Variants in CATSPER1 observed in about 807,000 individuals in gnomAD.
CATSPER1 encodes the protein cation channel sperm associated 1.
CATSPER1 carries 57 observed loss-of-function variants against 72.7 expected under a neutral mutation model. The ratio of observed to expected loss-of-function variants is 0.78; its 90% CI spans 0.63 to 0.98. CATSPER1 has a LOEUF of 0.98. Ranked by LOEUF, CATSPER1 falls within the 50% of genes least tolerant of loss-of-function variation. CATSPER1 has a pLI of 0.00. For synonymous variants in CATSPER1, 363 were observed against 403.0 expected, an observed-to-expected ratio of 0.90 and a Z score of 1.19; for missense variants, 910 against 1,033.9, an observed-to-expected ratio of 0.88 and a Z score of 1.64.
At position 66,017,048 on chromosome 11, in the gene CATSPER1, T is replaced by C; in HGVS notation, c.2316+12A>G. On this transcript the variant is annotated intron_variant, in intron 11 of 11. Transcript: ENST00000312106. Reference sequence around the variant, plus strand: ...CCCCTCGCCGGCCCCTTCCCGCTCCTGCCTGGTTCACCTCAAATGTGGTGT... The same window carrying C: ...CCCCTCGCCGGCCCCTTCCCGCTCCCGCCTGGTTCACCTCAAATGTGGTGT... 1 of 1,613,856 alleles carries C rather than the reference T, an allele frequency of 6.2e-7. No individual in the cohort carries two copies.
At chr11:66,017,796 A>G (rs1856269601) in intron 10 of CATSPER1, among the ~76,000 whole-genome samples, 1 of 152,226 alleles carries the variant, frequency 6.6e-6, no homozygotes. Flanking sequence ...AGCTGCTGAC[A>G]CTTTGAGGCA....
Position 66,020,205 on chromosome 11 carries a change from G to A in CATSPER1, c.2065-5C>T. ...CTCTTGGATCCGGGCGGCCCTCTGGGAAGAAGAGGCCTCAGATCTGCCAGA... is the reference window on the plus strand; with the variant it reads ...CTCTTGGATCCGGGCGGCCCTCTGGAAAGAAGAGGCCTCAGATCTGCCAGA... On this transcript the variant is annotated splice_polypyrimidine_tract_variant and splice_region_variant and intron_variant, in intron 8 of 11. Transcript: ENST00000312106. This position sits in a 1 kb window ranked among gnomAD's most constrained non-coding sequence, Gnocchi z 4.5. 6.2e-7 allele frequency: 1 copy of A among 1,613,978 alleles called. No individual in the cohort carries two copies.
Position 66,020,326 on chromosome 11 carries a change from C to T in CATSPER1, c.2055G>A (p.Ala685=), listed in dbSNP as rs1020552356. Residue 685 remains alanine (A), a synonymous_variant, in exon 8 of 12, where the codon GCG becomes GCA. Coordinates refer to ENST00000312106, the MANE Select transcript of CATSPER1 (RefSeq NM_053054.4). The surrounding 1 kb of genome is among the most constrained non-coding windows in gnomAD (Gnocchi z 4.5). ...CCACCCCACTCGGTACCTCCTGCTTCGCTTTCTCAAGGCCTTTGAACAGCG... is the reference window on the plus strand; with the variant it reads ...CCACCCCACTCGGTACCTCCTGCTTTGCTTTCTCAAGGCCTTTGAACAGCG... ...QTALFKGLEK[A]KQERAARIQE... 1.3e-5 allele frequency: 21 copies of T among 1,614,182 alleles called. No individual in the cohort carries two copies. The highest frequency in any genetic ancestry group is 2.7e-5 in the African/African-American group (2 of 75,054).
chr11:66,017,596 T>G (rs1856264644), intron 10 of CATSPER1, among the ~76,000 whole-genome samples: 1 of 137,858 alleles, frequency 7.3e-6, no homozygotes, highest in African/African-American at 2.7e-5. Context: ...ACCTTCATCA[T>G]GCTGTGTAGT....
chr11:66,016,940 GT>G, intron 11 of CATSPER1, 24 bp from the exon 12 acceptor site: 2 of 1,614,070 alleles, frequency 1.2e-6, no homozygotes, highest in South Asian at 2.2e-5. Context: ...TGGGGCACTG[GT>G]GGGTGAATGA....
rs761420266 is a variant in CATSPER1, at chr11:66,022,984, G to A, written c.1294C>T (p.Leu432Phe). Residue 432 changes from leucine to phenylalanine, a missense_variant, in exon 2 of 12, where the codon CTC becomes TTC. Transcript: ENST00000312106. ...ATCATTTCCCGGAAGCCCTGAATGA[G>A]GAAGGTTAGCTTTTCCCACAGCCAC... The part of the protein sequence containing the change: ...FQWLWEKLTF[L>F]IQGFREMIRN... 6.2e-7 allele frequency: 1 copy of A among 1,614,242 alleles called. No homozygotes were observed. The highest frequency in any genetic ancestry group is 1.7e-5 in the Admixed American group (1 of 60,032).
intron 9 of CATSPER1, 127 bp from the exon 10 acceptor site, chr11:66,019,029 C>T (rs1856298743): frequency 5.2e-6 from 4 of 768,228 alleles, no homozygotes; most frequent in Non-Finnish European, 9.2e-6. Context: ...GTTGCTTCTC[C>T]GGGCATGCAG....
chr11:66,017,214 C>G, intron 10 of CATSPER1, 40 bp from the exon 11 acceptor site: 1 of 1,480,032 alleles, frequency 6.8e-7, no homozygotes, highest in Non-Finnish European at 9.2e-7. Flanking sequence ...AGGGGCTGGG[C>G]TGACCTGCTG....
At chr11:66,023,121 A>C (rs1590685182) in intron 1 of CATSPER1, 60 bp from the exon 2 acceptor site, 1 of 1,484,310 alleles carries the variant, frequency 6.7e-7, no homozygotes. Context: ...GGTCCCAGGC[A>C]CCCCCCAGCC....
In CATSPER1 at chr11:66,022,865, T is replaced by G. The variant is rs759341698; in HGVS notation, c.1413A>C (p.Glu471Asp). 6.2e-7 allele frequency: 1 copy of G among 1,614,190 alleles called. No homozygotes were observed. The highest frequency in any genetic ancestry group is 8.5e-7 in the Non-Finnish European group (1 of 1,180,038). Residue 471 changes from glutamate (E) to aspartate (D), a missense_variant, in exon 2 of 12, where the codon GAA becomes GAC. Glu to Asp is a conservative substitution (Grantham distance 45, BLOSUM62 2). Coordinates refer to ENST00000312106, the MANE Select transcript of CATSPER1 (RefSeq NM_053054.4). ...GGCTCTTACCGCCCCGGATCTCGACTTCAGCGAAGGTCTGGGCCACCAGCA... is the reference window on the plus strand; with the variant it reads ...GGCTCTTACCGCCCCGGATCTCGACGTCAGCGAAGGTCTGGGCCACCAGCA... ...TVMLVAQTFA[E>D]VEIRGEWYFM...
Position 66,020,052 on chromosome 11 carries a change from C to T in CATSPER1, c.2125+88G>A. The T allele has an allele frequency of 7.2e-7, 1 of 1,379,824 alleles. No homozygotes were observed. 85.5% of individuals were successfully genotyped at this position (1,379,824 alleles called of 1,614,324 possible). On this transcript the variant is annotated intron_variant, in intron 9 of 11. Coordinates refer to ENST00000312106, the MANE Select transcript of CATSPER1 (RefSeq NM_053054.4). The surrounding 1 kb of genome is among the most constrained non-coding windows in gnomAD (Gnocchi z 4.5). Reference sequence around the variant, plus strand: ...AAACTCTAAAACTGAGTCTGGAATTCTGTGACTGTGGAAGGAGGTTAGGGG... The same window carrying T: ...AAACTCTAAAACTGAGTCTGGAATTTTGTGACTGTGGAAGGAGGTTAGGGG...
chr11:66,018,450 G>A (rs1565069444), intron 10 of CATSPER1, among the ~76,000 whole-genome samples: 1 of 152,082 alleles, frequency 6.6e-6, no homozygotes, highest in Non-Finnish European at 1.5e-5. Context: ...CCCTCCACTT[G>A]GCTGAAGTCT....
intron 10 of CATSPER1, among the ~76,000 whole-genome samples, chr11:66,018,420 T>C (rs1358635188): frequency 1.3e-5 from 2 of 151,952 alleles, no homozygotes; most frequent in African/African-American, 4.8e-5. Context: ...TCTAAGCTGT[T>C]CCTCCAACCG....
chr11:66,018,130 C>T (rs547607213), intron 10 of CATSPER1, among the ~76,000 whole-genome samples: 1 of 151,858 alleles, frequency 6.6e-6, no homozygotes, highest in African/African-American at 2.4e-5. Flanking sequence ...ATCGCTTGAA[C>T]CCAGGAGGCG....
chr11:66,017,193 G>GTGGGGGGGGGGC lies in CATSPER1; in HGVS notation c.2202-20_2202-19insGCCCCCCCCCCA. The GTGGGGGGGGGGC allele has an allele frequency of 4.1e-6, 2 of 493,800 alleles. No individual in the cohort carries two copies. Among genetic ancestry groups the GTGGGGGGGGGGC allele is most frequent in the East Asian group, 5.5e-5 (1 of 18,090 alleles). The allele number at this position is 493,800 out of a possible 1,614,324, so 30.6% of individuals were successfully genotyped here. On this transcript the variant is annotated intron_variant, in intron 10 of 11. Coordinates refer to ENST00000312106, the MANE Select transcript of CATSPER1 (RefSeq NM_053054.4). The stretch of plus-strand genomic sequence containing the variant: ...CTGCTGCCTGCGGGTGGGCGGGGGG[G>GTGGGGGGGGGGC]TCGCAGAGACAGGGGCTGGGCTGAC...
rs778101113 is a variant in CATSPER1, at chr11:66,020,570, A to C, written c.1985T>G (p.Phe662Cys). 6.2e-7 allele frequency: 1 copy of C among 1,611,796 alleles called. No individual in the cohort carries two copies. Among genetic ancestry groups the C allele is most frequent in the Non-Finnish European group, 8.5e-7 (1 of 1,178,938 alleles). Residue 662 changes from phenylalanine to cysteine, a missense_variant, in exon 7 of 12, where the codon TTC (phenylalanine) becomes TGC (cysteine). Phe to Cys is a radical substitution (Grantham distance 205). Coordinates refer to ENST00000312106, the MANE Select transcript of CATSPER1 (RefSeq NM_053054.4). The surrounding 1 kb of genome is among the most constrained non-coding windows in gnomAD (Gnocchi z 4.5). Reference sequence around the variant, plus strand: ...AGCAGGGGTGAGTCCTCACTTGAGGAAGATGAAGTACTGGATGATGATGTA... The same window carrying C: ...AGCAGGGGTGAGTCCTCACTTGAGGCAGATGAAGTACTGGATGATGATGTA... The part of the protein sequence containing the change: ...VIYIIIQYFI[F>C]LNLVITVLVD...
rs778872520 is a variant in CATSPER1 at position 66,018,854 on chromosome 11, T to G, written c.2174A>C (p.Glu725Ala). Residue 725 changes from glutamate (E) to alanine (A), a missense_variant, in exon 10 of 12, where the codon GAG (glutamate) becomes GCG (alanine). Coordinates refer to ENST00000312106, the MANE Select transcript of CATSPER1 (RefSeq NM_053054.4). ...CTCAGTCATGGTCCCAAACTTTTTC[T>G]CGATGAGCCGCTTCAGCATGGTGCC... The part of the protein sequence containing the change: ...SEGTMLKRLI[E>A]KKFGTMTEKQ... 6.2e-7 allele frequency: 1 copy of G among 1,613,722 alleles called. No individual in the cohort carries two copies. Among genetic ancestry groups the G allele is most frequent in the Admixed American group, 1.7e-5 (1 of 59,986 alleles).
In CATSPER1 at chr11:66,024,608, A is replaced by G. The variant is rs576474126; in HGVS notation, c.1216+556T>C. 6.8e-4 allele frequency among the ~76,000 whole-genome samples: 103 copies of G among 152,260 alleles called. 1 individual carries two copies. The highest frequency in any genetic ancestry group is 7.4e-5 in the Non-Finnish European group (5 of 68,006). ...TGTCATGTTTATTGAACTACTAGGA[A>G]GAAAGTTTGGTGGCGTATGAGCTAA... On this transcript the variant is annotated intron_variant, in intron 1 of 11. Coordinates refer to ENST00000312106, the MANE Select transcript of CATSPER1 (RefSeq NM_053054.4).
rs143930161 is a variant in CATSPER1, at chr11:66,020,311, C to G, written c.2064+6G>C. ...TCTGGTCCACCTGTCCCACCCCACT[C>G]GGTACCTCCTGCTTCGCTTTCTCAA... On this transcript the variant is annotated splice_donor_region_variant and intron_variant, in intron 8 of 11. Transcript: ENST00000312106. This position sits in a 1 kb window ranked among gnomAD's most constrained non-coding sequence, Gnocchi z 4.5. The G allele has an allele frequency of 6.2e-7, 1 of 1,614,068 alleles. No individual in the cohort carries two copies. Among genetic ancestry groups the G allele is most frequent in the African/African-American group, 1.3e-5 (1 of 74,948 alleles).
Sources: allele counts gnomAD v4.1 joint callset (sites outside exome capture counted in the v4.1 genomes callset), GRCh38; gene constraint gnomAD v4.1.1; non-coding constraint Gnocchi (gnomAD v3.1); transcripts MANE v1.5; gene names NCBI Gene and HGNC (gene_info 2026-07-23, HGNC 2026-07-21).